The following LRTM3 variants were observed in gnomAD, a reference collection of about 807,000 sequenced individuals.
The protein encoded by LRTM3 is leucine rich repeat transmembrane protein 3.
chr13:102,755,271 A>C, the LRTM3 span, among the ~76,000 whole-genome samples: 1 of 142,456 alleles, frequency 7.0e-6, no homozygotes, highest in Non-Finnish European at 1.6e-5. Flanking sequence ...GATAAAATCC[A>C]CTCCATCTCT....
chr13:102,755,955 ATATATATTT>A, the LRTM3 span, among the ~76,000 whole-genome samples: 2 of 101,974 alleles, frequency 2.0e-5, no homozygotes, highest in East Asian at 2.5e-4. Context: ...ATATATATAT[ATATATATTT>A]TTTTTTTTTC....
At chr13:102,747,528 ACCC>A in the LRTM3 span, 1 of 1,550,724 alleles carries the variant, frequency 6.4e-7, no homozygotes, top group Non-Finnish European at 8.7e-7. Context: ...TTATTGAAAG[ACCC>A]CAGGGCAACT....
chr13:102,733,154 G>A, the LRTM3 span: 53 of 1,551,388 alleles, frequency 3.4e-5, no homozygotes, highest in Middle Eastern at 3.3e-4. Flanking sequence ...GATAGTGTTC[G>A]TCCTGGTCTT....
the LRTM3 span, chr13:102,750,088 G>A: frequency 1.9e-6 from 3 of 1,550,546 alleles, no homozygotes; most frequent in South Asian, 2.4e-5. Flanking sequence ...TGTTTTTGTT[G>A]GTTTTCATCA....
chr13:102,752,774 G>T, the LRTM3 span, among the ~76,000 whole-genome samples: 5 of 152,210 alleles, frequency 3.3e-5, no homozygotes, highest in Middle Eastern at 3.4e-3. Flanking sequence ...TTGTAGACGT[G>T]GCCTTTAAAT....
chr13:102,739,402 G>A, the LRTM3 span: 1 of 1,550,210 alleles, frequency 6.5e-7, no homozygotes, highest in Non-Finnish European at 8.7e-7. Context: ...ATACTCTTCT[G>A]GCATTTGATG....
At chr13:102,731,870 G>T in the LRTM3 span, 1 of 1,549,552 alleles carries the variant, frequency 6.5e-7, no homozygotes, top group Non-Finnish European at 8.7e-7. Flanking sequence ...CTCTGTGGGT[G>T]TCAGAATGCG....
the LRTM3 span, chr13:102,731,280 C>T: frequency 6.4e-7 from 1 of 1,551,332 alleles, no homozygotes; most frequent in Admixed American, 2.0e-5. Flanking sequence ...GTATCAGTCC[C>T]TTCTAGAGAC....
the LRTM3 span, chr13:102,734,226 A>G: frequency 6.4e-7 from 1 of 1,551,146 alleles, no homozygotes; most frequent in Non-Finnish European, 8.7e-7. Flanking sequence ...TCTTTCTGTG[A>G]CCTATGTGGT....
chr13:102,743,634 G>C, the LRTM3 span: 76 of 1,549,458 alleles, frequency 4.9e-5, no homozygotes, highest in Non-Finnish European at 6.5e-5. Flanking sequence ...AAAGTTGCAG[G>C]TGAGTTTTCT....
the LRTM3 span, among the ~76,000 whole-genome samples, chr13:102,754,862 T>C: frequency 4.2e-4 from 64 of 152,282 alleles, no homozygotes; most frequent in African/African-American, 1.5e-3. Context: ...CCTATAGTCA[T>C]AGTAACAAAT....
At chr13:102,745,579 T>G in the LRTM3 span, 186 of 1,550,924 alleles carry the variant, frequency 1.2e-4, 2 homozygotes, top group Middle Eastern at 1.2e-3. Flanking sequence ...TAATTCCACA[T>G]TTGGGATTCA....
At chr13:102,746,938 G>A in the LRTM3 span, 1 of 1,551,060 alleles carries the variant, frequency 6.4e-7, no homozygotes. Context: ...GTTCCATTAT[G>A]GGAGAAACAA....
At chr13:102,743,549 T>C in the LRTM3 span, 3 of 1,548,972 alleles carry the variant, frequency 1.9e-6, no homozygotes, top group African/African-American at 1.4e-5. Context: ...AATTTTCCTT[T>C]CTGATAACTG....
chr13:102,749,045 A>G, the LRTM3 span: 3 of 1,550,630 alleles, frequency 1.9e-6, no homozygotes, highest in East Asian at 4.9e-5. Context: ...AACATAAGGC[A>G]GAATAAGCTT....
the LRTM3 span, chr13:102,741,220 C>T: frequency 6.5e-7 from 1 of 1,550,036 alleles, no homozygotes; most frequent in Non-Finnish European, 8.7e-7. Context: ...ATGTAATATC[C>T]AACTTTGATT....
chr13:102,751,917 T>C, the LRTM3 span, among the ~76,000 whole-genome samples: 1 of 150,594 alleles, frequency 6.6e-6, no homozygotes, highest in African/African-American at 2.4e-5. Flanking sequence ...GGATGGGAGG[T>C]CAGACAGGCC....
At chr13:102,740,654 T>C in the LRTM3 span, 2 of 1,548,460 alleles carry the variant, frequency 1.3e-6, no homozygotes, top group Middle Eastern at 1.7e-4. Flanking sequence ...ATCCATAGCA[T>C]CTAATTTCTC....
At chr13:102,738,112 T>C in the LRTM3 span, 1 of 1,551,084 alleles carries the variant, frequency 6.4e-7, no homozygotes, top group Non-Finnish European at 8.7e-7. Flanking sequence ...CTTGATCCAT[T>C]TTCCCTGGCT....
Sources: allele counts gnomAD v4.1 joint callset (sites outside exome capture counted in the v4.1 genomes callset), GRCh38; gene constraint gnomAD v4.1.1; transcripts MANE v1.5; gene names NCBI Gene and HGNC (gene_info 2026-07-23, HGNC 2026-07-21).